The following CHN2 variants were observed in gnomAD, a reference collection of about 807,000 sequenced individuals.
The protein encoded by CHN2 is chimerin 2.
A neutral mutation model predicts 56.3 loss-of-function variants in CHN2; 35 were observed. The observed-to-expected ratio is 0.62, with a 90% CI of 0.47 to 0.82. CHN2 has a LOEUF of 0.82. CHN2 is among the 40% of genes least tolerant of loss of function. CHN2 has a pLI of 0.00. For synonymous variants in CHN2, 210 were observed against 212.8 expected (o/e 0.99, Z 0.12); for missense variants, 491 against 580.5 (o/e 0.85, Z 1.58).
intron 6 of CHN2, among the ~76,000 whole-genome samples, chr7:29,466,199 A>G (rs565820217): frequency 1.1e-4 from 16 of 149,998 alleles, no homozygotes; most frequent in South Asian, 4.3e-4. Flanking sequence ...GAAATTGTCA[A>G]AATAAAGAGA....
intron 1 of CHN2, among the ~76,000 whole-genome samples, chr7:29,196,407 G>C (rs1352272559): frequency 1.3e-5 from 2 of 152,208 alleles, no homozygotes; most frequent in African/African-American, 4.8e-5. Flanking sequence ...ATCTTATTAA[G>C]AGCAGCAACA....
At chr7:29,422,898 G>A (rs549610646) in intron 6 of CHN2, among the ~76,000 whole-genome samples, 32 of 152,140 alleles carry the variant, frequency 2.1e-4, no homozygotes, top group Non-Finnish European at 3.8e-4. Context: ...TGGGAGAAGT[G>A]GGGCAAATGC....
chr7:29,211,527 G>A (rs1784958599), intron 1 of CHN2, among the ~76,000 whole-genome samples: 1 of 150,732 alleles, frequency 6.6e-6, no homozygotes, highest in African/African-American at 2.4e-5. Flanking sequence ...AGTTCATCCT[G>A]TTATATATGA....
chr7:29,439,199 C>T (rs925327376), intron 6 of CHN2, among the ~76,000 whole-genome samples: 2 of 152,180 alleles, frequency 1.3e-5, no homozygotes, highest in African/African-American at 4.8e-5. Context: ...ATGATATTGT[C>T]ATCATGAATA....
At chr7:29,148,834 A>T (rs1793141239) in intron 2 of CHN2, among the ~76,000 whole-genome samples, 1 of 152,202 alleles carries the variant, frequency 6.6e-6, no homozygotes, top group Non-Finnish European at 1.5e-5. Flanking sequence ...TAAGAGCTGT[A>T]ATTGGGGCTG....
intron 5 of CHN2, 109 bp from the exon 6 acceptor site, chr7:29,400,434 C>G: frequency 9.2e-7 from 1 of 1,087,134 alleles, no homozygotes; most frequent in South Asian, 1.5e-5. Flanking sequence ...GTGCTTAGCC[C>G]TGTGCCTGGG....
chr7:29,388,892 G>C (rs1228211526), intron 3 of CHN2, among the ~76,000 whole-genome samples: 9 of 152,200 alleles, frequency 5.9e-5, no homozygotes, highest in Non-Finnish European at 1.3e-4. Flanking sequence ...ATCTCCAGTA[G>C]TCACAGTGCT....
At chr7:29,492,895 T>G (rs149840702) in intron 7 of CHN2, among the ~76,000 whole-genome samples, 1 of 152,314 alleles carries the variant, frequency 6.6e-6, no homozygotes, top group East Asian at 1.9e-4. Flanking sequence ...CCTAAAACAT[T>G]CTTCACCTCT....
intron 6 of CHN2, among the ~76,000 whole-genome samples, chr7:29,470,734 C>G (rs987850160): frequency 3.3e-5 from 5 of 152,154 alleles, no homozygotes; most frequent in Non-Finnish European, 2.9e-5. Flanking sequence ...TCTGGCCTTT[C>G]GCAGGGATTT....
chr7:29,496,886 T>A (rs1438163134), intron 8 of CHN2, among the ~76,000 whole-genome samples: 1 of 152,182 alleles, frequency 6.6e-6, no homozygotes, highest in Non-Finnish European at 1.5e-5. Context: ...CTGATATTGA[T>A]CAGGTTTCTA....
intron 2 of CHN2, chr7:29,147,164 G>A: frequency 1.5e-6 from 1 of 686,302 alleles, no homozygotes; most frequent in Non-Finnish European, 2.4e-6. Context: ...ACCAGGTGCT[G>A]GGCATCGAGC....
At chr7:29,451,635 T>G (rs1784412392) in intron 6 of CHN2, among the ~76,000 whole-genome samples, 1 of 152,142 alleles carries the variant, frequency 6.6e-6, no homozygotes, top group Non-Finnish European at 1.5e-5. Flanking sequence ...AGAAATAATT[T>G]TAGGAAGCTG....
At chr7:29,404,305 A>G (rs940719813) in intron 6 of CHN2, among the ~76,000 whole-genome samples, 5 of 152,196 alleles carry the variant, frequency 3.3e-5, no homozygotes, top group South Asian at 4.1e-4. Flanking sequence ...TACGAATCCA[A>G]TGCATATGAC....
chr7:29,274,170 A>C (rs1018019360), intron 1 of CHN2, among the ~76,000 whole-genome samples: 1 of 152,190 alleles, frequency 6.6e-6, no homozygotes, highest in Admixed American at 6.5e-5. Flanking sequence ...AAGCTAGAAT[A>C]AGATTGATGT....
chr7:29,355,298 A>G (rs1798209263), intron 2 of CHN2, among the ~76,000 whole-genome samples: 1 of 152,098 alleles, frequency 6.6e-6, no homozygotes, highest in South Asian at 2.1e-4. Context: ...TACACAGTTG[A>G]TCGGCAAGGA....
intron 2 of CHN2, among the ~76,000 whole-genome samples, chr7:29,171,656 A>G (rs1796621333): frequency 1.3e-5 from 2 of 152,190 alleles, no homozygotes; most frequent in African/African-American, 4.8e-5. Flanking sequence ...TTGTCCGGAG[A>G]TGAACAATTC....
At chr7:29,170,877 T>G (rs1796508882) in intron 2 of CHN2, among the ~76,000 whole-genome samples, 1 of 152,110 alleles carries the variant, frequency 6.6e-6, no homozygotes, top group African/African-American at 2.4e-5. Context: ...GCAGGAAAAC[T>G]TCCCCTTATA....
intron 6 of CHN2, among the ~76,000 whole-genome samples, chr7:29,432,943 C>G (rs1440553657): frequency 1.3e-5 from 2 of 152,196 alleles, no homozygotes; most frequent in Non-Finnish European, 2.9e-5. Flanking sequence ...CGGCATTCTT[C>G]TGTTGGCGAC....
At chr7:29,310,801 C>T (rs1178400395) in intron 1 of CHN2, among the ~76,000 whole-genome samples, 1 of 152,104 alleles carries the variant, frequency 6.6e-6, no homozygotes, top group East Asian at 1.9e-4. Context: ...GCACTAATCC[C>T]ATTTCTGGGG....
Sources: gnomAD v4.1 joint callset for allele counts (sites outside exome capture counted in the v4.1 genomes callset) on GRCh38, gnomAD v4.1.1 for gene constraint, MANE v1.5 for transcripts, NCBI Gene and HGNC (gene_info 2026-07-23, HGNC 2026-07-21) for gene names.